The following HS3ST4 variants were observed in gnomAD, a reference collection of about 807,000 sequenced individuals.
The protein encoded by HS3ST4 is heparan sulfate glucosamine 3-O-sulfotransferase 4.
Under a neutral mutation model 29.2 loss-of-function variants are expected in HS3ST4, and 17 were observed. The observed-to-expected ratio is 0.58, with a 90% CI of 0.40 to 0.87. HS3ST4 has a LOEUF of 0.87. Ranked by LOEUF, HS3ST4 falls within the 40% of genes least tolerant of loss-of-function variation. HS3ST4 has a pLI of 0.00. For missense variants in HS3ST4, 627 were observed against 634.5 expected (o/e 0.99, Z 0.13); for synonymous variants, 314 against 285.7 (o/e 1.10, Z -1.00).
chr16:26,049,353 A>G (rs973063318), intron 1 of HS3ST4, among the ~76,000 whole-genome samples: 1 of 148,074 alleles, frequency 6.8e-6, no homozygotes, highest in African/African-American at 2.5e-5. Flanking sequence ...CCGGAGGTCT[A>G]CATCCGGAGG....
intron 1 of HS3ST4, among the ~76,000 whole-genome samples, chr16:25,828,292 CTTTCTTTCCCTCTCTCT>C (rs1967251316): frequency 1.2e-5 from 1 of 81,044 alleles, no homozygotes; most frequent in South Asian, 5.1e-4. Flanking sequence ...TTCTTTCTTT[CTTTCTTTCCCTCTCTCT>C]CTCTCTCTCT....
intron 1 of HS3ST4, among the ~76,000 whole-genome samples, chr16:25,953,025 C>A (rs971299170): frequency 6.6e-6 from 1 of 152,088 alleles, no homozygotes; most frequent in Non-Finnish European, 1.5e-5. Context: ...CTTTTGAGGG[C>A]TAGGTTTCTG....
At chr16:25,978,619 G>A (rs1303916757) in intron 1 of HS3ST4, among the ~76,000 whole-genome samples, 1 of 152,190 alleles carries the variant, frequency 6.6e-6, no homozygotes, top group Non-Finnish European at 1.5e-5. Context: ...AGGTGATCTG[G>A]AGCAAGTCAA....
At chr16:26,071,847 T>C (rs965310663) in intron 1 of HS3ST4, among the ~76,000 whole-genome samples, 1 of 152,182 alleles carries the variant, frequency 6.6e-6, no homozygotes, top group Non-Finnish European at 1.5e-5. Context: ...TCCCCTGGAA[T>C]GCACCTTTTC....
intron 1 of HS3ST4, among the ~76,000 whole-genome samples, chr16:25,970,979 T>G (rs1442561253): frequency 2.6e-5 from 4 of 152,160 alleles, no homozygotes; most frequent in African/African-American, 9.6e-5. Flanking sequence ...GCCTCCTGAG[T>G]AGCTGGGATT....
intron 1 of HS3ST4, among the ~76,000 whole-genome samples, chr16:26,104,027 A>G (rs1286748617): frequency 6.6e-6 from 1 of 152,190 alleles, no homozygotes; most frequent in Non-Finnish European, 1.5e-5. Flanking sequence ...ATGTTTTTTT[A>G]AAACACTGGG....
intron 1 of HS3ST4, among the ~76,000 whole-genome samples, chr16:25,777,237 A>C (rs1466011585): frequency 1.3e-5 from 2 of 152,278 alleles, no homozygotes; most frequent in East Asian, 3.9e-4. Context: ...CTCCTTATGC[A>C]TTTTGTTTGT....
At chr16:25,916,443 A>T (rs1596613009) in intron 1 of HS3ST4, among the ~76,000 whole-genome samples, 1 of 151,696 alleles carries the variant, frequency 6.6e-6, no homozygotes, top group South Asian at 2.1e-4. Context: ...GCTCACTGCA[A>T]CCTCCGCCTT....
Position 25,962,589 on chromosome 16 carries a change from C to T in HS3ST4, c.735-173023C>T, listed in dbSNP as rs558510848. Among the ~76,000 whole-genome samples the T allele has an allele frequency of 2.6e-4, 39 of 152,130 alleles. 1 individual carries two copies. Among genetic ancestry groups the T allele is most frequent in the Non-Finnish European group, 4.4e-4 (30 of 68,012 alleles). ...AACTGATGAGTGTCTCACATTTTTCCGGGGTGGCTCTCCTCCAAGCAGTAA... is the reference window on the plus strand; with the variant it reads ...AACTGATGAGTGTCTCACATTTTTCTGGGGTGGCTCTCCTCCAAGCAGTAA... On this transcript the variant is annotated intron_variant, in intron 1 of 1. Coordinates refer to ENST00000331351, the MANE Select transcript of HS3ST4 (RefSeq NM_006040.3).
At chr16:26,048,880 T>A in intron 1 of HS3ST4, among the ~76,000 whole-genome samples, 1 of 152,114 alleles carries the variant, frequency 6.6e-6, no homozygotes, top group East Asian at 1.9e-4. Flanking sequence ...AGTCATTCTC[T>A]TTCCATTTTT....
At chr16:25,779,119 G>T (rs1221279623) in intron 1 of HS3ST4, among the ~76,000 whole-genome samples, 1 of 152,120 alleles carries the variant, frequency 6.6e-6, no homozygotes, top group Admixed American at 6.5e-5. Flanking sequence ...TGCAACACAG[G>T]GGTTGGCCTA....
At position 25,832,462 on chromosome 16, in the gene HS3ST4, T is replaced by C. The variant is rs565159382; in HGVS notation, c.734+139311T>C. Among the ~76,000 whole-genome samples, 17 of 152,338 alleles carry C rather than the reference T, an allele frequency of 1.1e-4. No homozygotes were observed. In the South Asian group the frequency reaches 3.5e-3, roughly 32 times the overall value. On this transcript the variant is annotated intron_variant, in intron 1 of 1. Transcript: ENST00000331351. ...TGAAAAGCACACAATGGTTCGGACT[T>C]AATTTTTCCCTGTAGTTTTGCTGAC...
chr16:26,001,338 G>T (rs991892538), intron 1 of HS3ST4, among the ~76,000 whole-genome samples: 14 of 152,130 alleles, frequency 9.2e-5, no homozygotes, highest in Non-Finnish European at 1.8e-4. Context: ...GCATGTCTAT[G>T]TGAATATACA....
At chr16:26,051,386 C>A (rs138841573) in intron 1 of HS3ST4, among the ~76,000 whole-genome samples, 1 of 152,190 alleles carries the variant, frequency 6.6e-6, no homozygotes, top group South Asian at 2.1e-4. Context: ...CTGACAAAGA[C>A]GAGCATGATT....
intron 1 of HS3ST4, among the ~76,000 whole-genome samples, chr16:25,784,768 C>A (rs909546070): frequency 1.3e-5 from 2 of 152,118 alleles, no homozygotes; most frequent in African/African-American, 4.8e-5. Flanking sequence ...GTAGAAGCTG[C>A]AGCAAATTAT....
rs1180018541 is a variant in HS3ST4 at position 26,054,322 on chromosome 16, AG to A, written c.735-81289del. On this transcript the variant is annotated intron_variant, in intron 1 of 1. Coordinates refer to ENST00000331351, the MANE Select transcript of HS3ST4 (RefSeq NM_006040.3). ...AGAAGGAGGAGGAGGAAGAAGAAGA[AG>A]AAGAAGAGAAGAAGAAGAAGAATGC... 8.7e-3 allele frequency among the ~76,000 whole-genome samples: 1,288 copies of A among 148,566 alleles called. 25 individuals are homozygous for A. The highest frequency in any genetic ancestry group is 0.031 in the African/African-American group (1,210 of 38,510).
chr16:25,765,034 C>G (rs1024627060), intron 1 of HS3ST4, among the ~76,000 whole-genome samples: 2 of 152,176 alleles, frequency 1.3e-5, no homozygotes, highest in Non-Finnish European at 2.9e-5. Context: ...AAATAAATAG[C>G]CCAGGCTGGT....
intron 1 of HS3ST4, among the ~76,000 whole-genome samples, chr16:25,706,063 A>G (rs1966373972): frequency 6.6e-6 from 1 of 152,374 alleles, no homozygotes; most frequent in South Asian, 2.1e-4. Flanking sequence ...TATAGCATGG[A>G]TATCAAACGT....
intron 1 of HS3ST4, among the ~76,000 whole-genome samples, chr16:26,117,209 C>T (rs1189998758): frequency 6.6e-6 from 1 of 152,178 alleles, no homozygotes; most frequent in Admixed American, 6.5e-5. Flanking sequence ...GGCCATCGAA[C>T]CATTTGCAGT....
Sources: gnomAD v4.1 joint callset for allele counts (sites outside exome capture counted in the v4.1 genomes callset) on GRCh38, gnomAD v4.1.1 for gene constraint, MANE v1.5 for transcripts, NCBI Gene and HGNC (gene_info 2026-07-23, HGNC 2026-07-21) for gene names.